Variants in TM7SF3 observed in about 807,000 individuals in gnomAD.
TM7SF3 encodes the protein seven span transmembrane protein.
A neutral mutation model predicts 65.5 loss-of-function variants in TM7SF3; 60 were observed. The observed-to-expected ratio is 0.92, with a 90% CI of 0.74 to 1.14. The LOEUF (loss-of-function observed/expected upper bound fraction) is 1.14, where lower values mean the gene tolerates loss of function less well. Ranked by LOEUF, TM7SF3 falls within the 50% of genes most tolerant of loss-of-function variation. TM7SF3 has a pLI of 0.00. For missense variants in TM7SF3, 623 were observed against 684.8 expected (o/e 0.91, Z 1.01); for synonymous variants, 264 against 259.6 (o/e 1.02, Z -0.16).
chr12:26,986,031 T>C (rs946231330), intron 6 of TM7SF3, among the ~76,000 whole-genome samples: 1 of 151,152 alleles, frequency 6.6e-6, no homozygotes, highest in African/African-American at 2.4e-5. Flanking sequence ...GGTTTCACTG[T>C]GTTAGCCAGG....
rs1939424956 is a variant in TM7SF3, at chr12:26,973,079, A to G, written c.*886T>C. The G allele has an allele frequency of 6.6e-6, 1 of 152,122 alleles. No homozygotes were observed. Among genetic ancestry groups the G allele is most frequent in the African/African-American group, 2.4e-5 (1 of 41,394 alleles). 9.4% of individuals were successfully genotyped at this position (152,122 alleles called of 1,614,324 possible). A position where few individuals can be genotyped will look rare whatever the true frequency, so the allele number is the denominator to read the frequency against. On this transcript the variant is annotated 3_prime_UTR_variant, in exon 12 of 12. Coordinates refer to ENST00000343028, the MANE Select transcript of TM7SF3 (RefSeq NM_016551.3). Reference sequence around the variant, plus strand: ...TATCACAACTTAAAAATTTTAAAAAATACTGAAAAAAAAACAAAGGGTAAC... The same window carrying G: ...TATCACAACTTAAAAATTTTAAAAAGTACTGAAAAAAAAACAAAGGGTAAC...
In TM7SF3 at chr12:26,973,269, GGGC is replaced by G. The variant is rs1939435324; in HGVS notation, c.*693_*695del. On this transcript the variant is annotated 3_prime_UTR_variant, in exon 12 of 12. Coordinates refer to ENST00000343028, the MANE Select transcript of TM7SF3 (RefSeq NM_016551.3). ...AGGCTCACTGTAGCCTCAATCTTCAGGGCTCCAGGGATCCTCCCATCTCAGTCT... is the reference window on the plus strand; with the variant it reads ...AGGCTCACTGTAGCCTCAATCTTCAGTCCAGGGATCCTCCCATCTCAGTCT... The G allele has an allele frequency of 6.6e-6, 1 of 151,804 alleles. No individual in the cohort carries two copies. Among genetic ancestry groups the G allele is most frequent in the Non-Finnish European group, 1.5e-5 (1 of 67,994 alleles). The allele number at this position is 151,804 out of a possible 1,614,324, so 9.4% of individuals were successfully genotyped here. A position where few individuals can be genotyped will look rare whatever the true frequency, so the allele number is the denominator to read the frequency against.
chr12:27,001,941 A>G (rs1264951568), intron 2 of TM7SF3, among the ~76,000 whole-genome samples: 1 of 152,148 alleles, frequency 6.6e-6, no homozygotes, highest in Non-Finnish European at 1.5e-5. Context: ...TATGTGTGAC[A>G]TCGGTATCTC....
chr12:27,005,293 G>A (rs573106963), intron 1 of TM7SF3, among the ~76,000 whole-genome samples: 1 of 152,068 alleles, frequency 6.6e-6, no homozygotes, highest in East Asian at 1.9e-4. Context: ...GCCTTTTCTA[G>A]TCTACATCTT....
chr12:26,997,463 C>G (rs1940644704), intron 3 of TM7SF3, among the ~76,000 whole-genome samples: 2 of 152,188 alleles, frequency 1.3e-5, no homozygotes, highest in Admixed American at 1.3e-4. Flanking sequence ...GGTATGTATG[C>G]CAGCTGAAGC....
At chr12:27,006,038 G>A (rs1941018695) in intron 1 of TM7SF3, among the ~76,000 whole-genome samples, 6 of 150,672 alleles carry the variant, frequency 4.0e-5, no homozygotes, top group Admixed American at 3.3e-4. Context: ...GACCTCAAGC[G>A]ATCCGCCCAT....
At chr12:26,993,384 TCTAA>T (rs941224003) in intron 5 of TM7SF3, among the ~76,000 whole-genome samples, 7 of 152,220 alleles carry the variant, frequency 4.6e-5, no homozygotes, top group African/African-American at 1.2e-4. Context: ...CAATTTTGTG[TCTAA>T]CTTATTCTTT....
At chr12:26,988,674 G>C (rs1418918099) in intron 6 of TM7SF3, among the ~76,000 whole-genome samples, 1 of 43,946 alleles carries the variant, frequency 2.3e-5, no homozygotes, top group African/African-American at 1.3e-4. Context: ...GAAGAAAATT[G>C]TGTGTGTGTG....
At chr12:26,999,193 G>T (rs909017891) in intron 3 of TM7SF3, among the ~76,000 whole-genome samples, 1 of 151,984 alleles carries the variant, frequency 6.6e-6, no homozygotes, top group Non-Finnish European at 1.5e-5. Context: ...TCAGGAGTTC[G>T]AGACCAGCCT....
At chr12:26,985,138 G>A (rs906076756) in intron 6 of TM7SF3, among the ~76,000 whole-genome samples, 1 of 152,154 alleles carries the variant, frequency 6.6e-6, no homozygotes, top group Non-Finnish European at 1.5e-5. Context: ...TATTTAGAAG[G>A]GGCTTTTGCA....
intron 2 of TM7SF3, among the ~76,000 whole-genome samples, chr12:26,999,982 T>G (rs781580900): frequency 6.6e-6 from 1 of 152,238 alleles, no homozygotes; most frequent in Non-Finnish European, 1.5e-5. Context: ...TGGTTCATGA[T>G]AGCGGTGCCA....
rs149634801 is a variant in TM7SF3, at chr12:26,992,659, C to T, written c.691-2032G>A. Reference sequence around the variant, plus strand: ...AATACAGTACACTGTAAAATGTTAGCTATTACCCGTGTGGTTAAGCAGGAG... The same window carrying T: ...AATACAGTACACTGTAAAATGTTAGTTATTACCCGTGTGGTTAAGCAGGAG... On this transcript the variant is annotated intron_variant, in intron 5 of 11. Coordinates refer to ENST00000343028, the MANE Select transcript of TM7SF3 (RefSeq NM_016551.3). 1.5e-3 allele frequency among the ~76,000 whole-genome samples: 224 copies of T among 152,292 alleles called. 1 individual carries two copies. Among genetic ancestry groups the T allele is most frequent in the African/African-American group, 5.2e-3 (215 of 41,570 alleles).
At chr12:27,005,434 T>A (rs1252142636) in intron 1 of TM7SF3, among the ~76,000 whole-genome samples, 1 of 152,210 alleles carries the variant, frequency 6.6e-6, no homozygotes, top group Non-Finnish European at 1.5e-5. Context: ...TATCCAAGGC[T>A]TCTGTAATTA....
intron 6 of TM7SF3, among the ~76,000 whole-genome samples, chr12:26,986,434 G>A (rs1301780265): frequency 6.6e-6 from 1 of 151,858 alleles, no homozygotes; most frequent in Non-Finnish European, 1.5e-5. Context: ...CTACTGCTTG[G>A]CTACAAATTC....
chr12:26,983,048 TCAA>T (rs1325072047), intron 6 of TM7SF3, among the ~76,000 whole-genome samples, 189 bp from the exon 7 acceptor site: 1 of 152,066 alleles, frequency 6.6e-6, no homozygotes, highest in African/African-American at 2.4e-5. Flanking sequence ...ACAATCAATA[TCAA>T]CAACTGCTGC....
chr12:27,006,164 G>A (rs762715463), intron 1 of TM7SF3, among the ~76,000 whole-genome samples: 18 of 125,510 alleles, frequency 1.4e-4, no homozygotes, highest in Non-Finnish European at 2.3e-4. Context: ...TTTTGAGACA[G>A]AGTCTTGCTC....
At chr12:26,982,698 T>A (rs1565869706) in intron 7 of TM7SF3, 75 bp downstream of exon 7, 3 of 996,766 alleles carry the variant, frequency 3.0e-6, no homozygotes, top group Non-Finnish European at 2.9e-6. Context: ...AAGTGCTTAC[T>A]CTCCTCACAG....
At chr12:26,996,387 G>A (rs1433245363) in intron 4 of TM7SF3, among the ~76,000 whole-genome samples, 1 of 152,114 alleles carries the variant, frequency 6.6e-6, no homozygotes, top group Non-Finnish European at 1.5e-5. Flanking sequence ...CAGAAACTGA[G>A]GCACAGCTTT....
intron 4 of TM7SF3, 49 bp downstream of exon 4, chr12:26,996,693 C>T (rs372462416): frequency 5.0e-5 from 78 of 1,562,948 alleles, no homozygotes; most frequent in Non-Finnish European, 6.2e-5. Flanking sequence ...ACACAACTGT[C>T]GTCATGTATA....
Sources: allele counts gnomAD v4.1 joint callset (sites outside exome capture counted in the v4.1 genomes callset), GRCh38; gene constraint gnomAD v4.1.1; transcripts MANE v1.5; gene names NCBI Gene and HGNC (gene_info 2026-07-23, HGNC 2026-07-21).